Variants in CCDC83 observed in about 807,000 individuals in gnomAD.
CCDC83 encodes coiled-coil domain-containing protein 83.
Under a neutral mutation model 50.1 loss-of-function variants are expected in CCDC83, and 54 were observed. The observed-to-expected ratio is 1.08, with a 90% confidence interval of 0.87 to 1.35. CCDC83 has a LOEUF of 1.35. Ranked by LOEUF, CCDC83 falls within the 40% of genes most tolerant of loss-of-function variation. The probability of loss-of-function intolerance (pLI) is 0.00; values close to 1 mark genes in which losing one functional copy is unlikely to be tolerated. For missense variants in CCDC83, 518 were observed against 473.9 expected (o/e 1.09, Z -0.86); for synonymous variants, 161 against 153.3 (o/e 1.05, Z -0.37).
In CCDC83 at chr11:85,873,212, T is replaced by A; in HGVS notation, c.97T>A (p.Cys33Ser). 2.6e-6 allele frequency: 4 copies of A among 1,514,158 alleles called. No homozygotes were observed. The highest frequency in any genetic ancestry group is 2.7e-6 in the Non-Finnish European group (3 of 1,119,298). The allele number at this position is 1,514,158 out of a possible 1,614,324, so 93.8% of individuals were successfully genotyped here. A position where few individuals can be genotyped will look rare whatever the true frequency, so the allele number is the denominator to read the frequency against. ...PTSEALLDYQ[C>S]QIKEDAVEQF... is the part of the protein sequence containing the mutation. ...CATTTTATCTTTGTTGATTCTCAGATGTCAAATAAAGGAAGATGCCGTGGA... is the reference window on the plus strand; with the variant it reads ...CATTTTATCTTTGTTGATTCTCAGAAGTCAAATAAAGGAAGATGCCGTGGA... The change falls in exon 3 of 11, where the codon TGT becomes AGT. Residue 33 changes from cysteine to serine, a missense_variant and splice_region_variant. By Grantham distance (112) the Cys-to-Ser change is moderately radical. Coordinates refer to ENST00000342404, the MANE Select transcript of CCDC83 (RefSeq NM_001286159.2).
chr11:85,892,557 CAG>C (rs2093355386), intron 5 of CCDC83, among the ~76,000 whole-genome samples: 1 of 152,154 alleles, frequency 6.6e-6, no homozygotes, highest in South Asian at 2.1e-4. Context: ...CATCTTTAGT[CAG>C]AGTGTATTTG....
At chr11:85,893,937 G>C (rs1433152369) in intron 5 of CCDC83, among the ~76,000 whole-genome samples, 1 of 151,948 alleles carries the variant, frequency 6.6e-6, no homozygotes, top group African/African-American at 2.4e-5. Flanking sequence ...ATAGTTACTT[G>C]TTGAAAAAAG....
chr11:85,860,992 TG>T (rs149431937), intron 1 of CCDC83, among the ~76,000 whole-genome samples: 22,467 of 147,014 alleles, frequency 0.15, 2,362 homozygotes, highest in African/African-American at 0.31. Context: ...CCATAAATTG[TG>T]GGGAAAAAAA....
intron 7 of CCDC83, among the ~76,000 whole-genome samples, chr11:85,905,581 G>A (rs530593411): frequency 6.6e-6 from 1 of 151,252 alleles, no homozygotes; most frequent in East Asian, 1.9e-4. Context: ...CTTTACTCCA[G>A]CCTGGGCAAC....
chr11:85,901,948 T>C (rs2093404417), intron 7 of CCDC83, among the ~76,000 whole-genome samples: 3 of 152,014 alleles, frequency 2.0e-5, no homozygotes, highest in Admixed American at 2.0e-4. Flanking sequence ...GGAGAATCAC[T>C]TGAGCCCAGG....
chr11:85,876,596 C>G (rs928459133), intron 3 of CCDC83, among the ~76,000 whole-genome samples: 3 of 152,220 alleles, frequency 2.0e-5, no homozygotes, highest in Non-Finnish European at 4.4e-5. Context: ...TCTCCACCTC[C>G]CAGTTTCGAG....
intron 3 of CCDC83, among the ~76,000 whole-genome samples, chr11:85,880,715 C>T (rs747733816): frequency 9.9e-5 from 15 of 151,688 alleles, no homozygotes; most frequent in Non-Finnish European, 2.1e-4. Context: ...AATAATGTGC[C>T]ACTTCCTATT....
rs1222446744 is a variant in CCDC83 at position 85,897,661 on chromosome 11, G to C, written c.604-1286G>C. ...TTGAAATCACTGATCCACTGTTAGTGAATCCAGCCATTAGCCAATTAACTT... is the reference window on the plus strand; with the variant it reads ...TTGAAATCACTGATCCACTGTTAGTCAATCCAGCCATTAGCCAATTAACTT... On this transcript the variant is annotated intron_variant, in intron 6 of 10. Transcript: ENST00000342404. 9.2e-4 allele frequency among the ~76,000 whole-genome samples: 140 copies of C among 152,264 alleles called. 2 individuals are homozygous for C. Among genetic ancestry groups the C allele is most frequent in the Non-Finnish European group, 1.3e-4 (9 of 68,024 alleles).
At position 85,867,317 on chromosome 11, in the gene CCDC83, C is replaced by T. The variant is rs116775076; in HGVS notation, c.95+2099C>T. On this transcript the variant is annotated intron_variant, in intron 2 of 10. Transcript: ENST00000342404. ...AAAGTGCTGGGATTTCAGGCATGAG[C>T]CACCTCACCTGGCCAAGAAGGATTT... Among the ~76,000 whole-genome samples the T allele has an allele frequency of 9.8e-3, 1,498 of 152,218 alleles. 13 individuals carry two copies. The highest frequency in any genetic ancestry group is 0.033 in the African/African-American group (1,351 of 41,528).
At chr11:85,917,164 G>GAAATAA (rs57311708) in intron 10 of CCDC83, among the ~76,000 whole-genome samples, 1 of 76,530 alleles carries the variant, frequency 1.3e-5, no homozygotes, top group Admixed American at 1.6e-4. Flanking sequence ...GAGAGAGAGA[G>GAAATAA]AGAGAAAGAA....
At chr11:85,896,477 G>A (rs1337932304) in intron 6 of CCDC83, among the ~76,000 whole-genome samples, 1 of 147,580 alleles carries the variant, frequency 6.8e-6, no homozygotes, top group Non-Finnish European at 1.5e-5. Context: ...GAGCCAACTT[G>A]ATGCTTAAAG....
At chr11:85,873,523 T>C (rs1464892168) in intron 3 of CCDC83, among the ~76,000 whole-genome samples, 1 of 152,212 alleles carries the variant, frequency 6.6e-6, no homozygotes, top group Non-Finnish European at 1.5e-5. Context: ...AATTATGTTA[T>C]TTAGACCCTG....
intron 8 of CCDC83, among the ~76,000 whole-genome samples, chr11:85,911,763 A>G (rs1183224172): frequency 2.0e-5 from 3 of 152,152 alleles, no homozygotes. Context: ...AGCACAGAGG[A>G]GGAGGTGATC....
intron 1 of CCDC83, among the ~76,000 whole-genome samples, chr11:85,861,037 A>G (rs1432597495): frequency 6.6e-6 from 1 of 152,232 alleles, no homozygotes; most frequent in Admixed American, 6.5e-5. Flanking sequence ...AGGCGAGGTT[A>G]TTTATCACTA....
At chr11:85,900,457 T>C in intron 7 of CCDC83, among the ~76,000 whole-genome samples, 1 of 152,188 alleles carries the variant, frequency 6.6e-6, no homozygotes, top group East Asian at 1.9e-4. Flanking sequence ...TTCTCATCCT[T>C]TGGGATTTGC....
chr11:85,878,434 T>C (rs911563738), intron 3 of CCDC83, among the ~76,000 whole-genome samples: 5 of 152,232 alleles, frequency 3.3e-5, no homozygotes, highest in African/African-American at 1.2e-4. Context: ...AATCATACAA[T>C]AAGTAACCTT....
intron 7 of CCDC83, among the ~76,000 whole-genome samples, chr11:85,909,704 C>T (rs551215581): frequency 1.4e-3 from 205 of 143,250 alleles, no homozygotes; most frequent in Middle Eastern, 3.9e-3. Context: ...CTCACTGTGA[C>T]CTCCACTTCC....
At chr11:85,894,819 C>T (rs1392550940) in intron 5 of CCDC83, among the ~76,000 whole-genome samples, 1 of 152,170 alleles carries the variant, frequency 6.6e-6, no homozygotes, top group South Asian at 2.1e-4. Flanking sequence ...TTAAAGCAGC[C>T]TTGCTGTCAC....
At chr11:85,866,638 A>G (rs1196377836) in intron 2 of CCDC83, among the ~76,000 whole-genome samples, 2 of 151,496 alleles carry the variant, frequency 1.3e-5, no homozygotes, top group Non-Finnish European at 2.9e-5. Context: ...TTGGTGACAG[A>G]GAGGGACCCT....
Sources: gnomAD v4.1 joint callset for allele counts (sites outside exome capture counted in the v4.1 genomes callset) on GRCh38, gnomAD v4.1.1 for gene constraint, MANE v1.5 for transcripts, NCBI Gene and HGNC (gene_info 2026-07-23, HGNC 2026-07-21) for gene names.